HMCN1: variants seen among roughly 807,000 people sequenced by gnomAD.
HMCN1 encodes the protein hemicentin-1.
In HMCN1, 321 loss-of-function variants were observed where a neutral mutation model predicts 625.9. The ratio of observed to expected loss-of-function variants is 0.51; its 90% CI spans 0.47 to 0.56. HMCN1 has a LOEUF of 0.56. Among genes scored for constraint, HMCN1 ranks in the 20% least tolerant of loss-of-function variants. The pLI is 0.00. For missense variants in HMCN1, 6,588 were observed against 6,887.3 expected, an observed-to-expected ratio of 0.96 and a Z score of 1.54; for synonymous variants, 2,425 against 2,417.6, an observed-to-expected ratio of 1.00 and a Z score of -0.09.
At chr1:186,126,876 G>A (rs149405831) in intron 82 of HMCN1, among the ~76,000 whole-genome samples, 6 of 152,202 alleles carry the variant, frequency 3.9e-5, no homozygotes, top group African/African-American at 4.8e-5. Flanking sequence ...AAAGGGTTAC[G>A]TTGGCTGTTG....
chr1:185,917,845 G>A (rs143322973), intron 6 of HMCN1, among the ~76,000 whole-genome samples: 63 of 152,252 alleles, frequency 4.1e-4, no homozygotes, highest in African/African-American at 1.4e-3. Flanking sequence ...GTAATTTTCC[G>A]CTGGAGCTCT....
At chr1:185,918,224 G>A (rs556462820) in intron 6 of HMCN1, among the ~76,000 whole-genome samples, 1 of 152,148 alleles carries the variant, frequency 6.6e-6, no homozygotes, top group East Asian at 1.9e-4. Context: ...GTGAAGCCTT[G>A]AGTCTGTGGC....
At position 185,889,474 on chromosome 1, in the gene HMCN1, A is replaced by G. The variant is rs1014506467; in HGVS notation, c.622-19863A>G. Among the ~76,000 whole-genome samples, 46 of 144,212 alleles carry G rather than the reference A, an allele frequency of 3.2e-4. No individual in the cohort carries two copies. The East Asian group carries it at 8.3e-3, about 26-fold the overall frequency. 94.6% of individuals were successfully genotyped at this position (144,212 alleles called of 152,430 possible). On this transcript the variant is annotated intron_variant, in intron 4 of 106. Coordinates refer to ENST00000271588, the MANE Select transcript of HMCN1 (RefSeq NM_031935.3). Reference sequence around the variant, plus strand: ...TCATAGATAGCTCTTATTATTTTGAAATATGTCGCATCAATACCTAATTTA... The same window carrying G: ...TCATAGATAGCTCTTATTATTTTGAGATATGTCGCATCAATACCTAATTTA...
intron 1 of HMCN1, among the ~76,000 whole-genome samples, chr1:185,754,171 C>G (rs548095485): frequency 6.6e-6 from 1 of 152,148 alleles, no homozygotes; most frequent in South Asian, 2.1e-4. Context: ...CACAGAAAGA[C>G]AAATATGACA....
chr1:185,772,304 C>T (rs747463981), intron 1 of HMCN1, among the ~76,000 whole-genome samples: 22 of 152,006 alleles, frequency 1.4e-4, no homozygotes, highest in Non-Finnish European at 2.9e-4. Context: ...AGATAACTCT[C>T]AAAACTGGAG....
intron 36 of HMCN1, among the ~76,000 whole-genome samples, chr1:186,024,357 TAGACTTACACTTCCATCTAAGA>T (rs971809426): frequency 2.0e-5 from 3 of 152,188 alleles, no homozygotes; most frequent in Non-Finnish European, 4.4e-5. Flanking sequence ...AGCATCTGCT[TAGACTTACACTTCCATCTAAGA>T]GTATGCTGGG....
At chr1:186,180,078 T>G (rs1652847189) in intron 104 of HMCN1, among the ~76,000 whole-genome samples, 1 of 152,168 alleles carries the variant, frequency 6.6e-6, no homozygotes, top group African/African-American at 2.4e-5. Flanking sequence ...ATTAATGCAT[T>G]AACAATTCTC....
At chr1:186,129,899 A>C in intron 83 of HMCN1, 67 bp from the exon 84 acceptor site, 2 of 1,591,324 alleles carry the variant, frequency 1.3e-6, no homozygotes, top group African/African-American at 1.3e-5. Flanking sequence ...TGTGCAAAAT[A>C]CTGAGCTGTC....
chr1:185,995,811 A>G (rs1365599407), intron 24 of HMCN1, among the ~76,000 whole-genome samples: 1 of 152,184 alleles, frequency 6.6e-6, no homozygotes, highest in East Asian at 1.9e-4. Flanking sequence ...AGAACCGGCC[A>G]CATGAAAATC....
intron 1 of HMCN1, among the ~76,000 whole-genome samples, chr1:185,805,017 T>C (rs1659072980): frequency 6.6e-6 from 1 of 152,186 alleles, no homozygotes; most frequent in Non-Finnish European, 1.5e-5. Flanking sequence ...GAAGGAATTG[T>C]ACACCTGACA....
chr1:186,040,988 T>G, intron 39 of HMCN1, 25 bp from the exon 40 acceptor site: 1 of 1,611,504 alleles, frequency 6.2e-7, no homozygotes, highest in Non-Finnish European at 8.5e-7. Context: ...ACATATTGGT[T>G]ATTTAGCGTT....
intron 1 of HMCN1, among the ~76,000 whole-genome samples, chr1:185,789,874 T>C (rs773509273): frequency 7.9e-5 from 12 of 152,214 alleles, no homozygotes; most frequent in Non-Finnish European, 1.8e-4. Flanking sequence ...TTAACTCTAT[T>C]TTTTCCCCCT....
In HMCN1 at chr1:186,189,868, A is replaced by G; in HGVS notation, c.16898A>G (p.Tyr5633Cys). ...ATAGTTTATATAGCTGTGTCCGCCT[A>G]TCCATACTAAGGAACTCTCCAAAGC... ...TFIVYIAVSA[Y>C]PY Residue 5633 changes from tyrosine to cysteine, a missense_variant, in exon 107 of 107, where the codon TAT (tyrosine) becomes TGT (cysteine). Around this residue, in one of 3 missense-constraint regions of HMCN1, gnomAD observed 1,954 missense variants for 2,013.1 expected, o/e 0.97. Transcript: ENST00000271588. 6 of 1,613,640 alleles carry G rather than the reference A, an allele frequency of 3.7e-6. No individual in the cohort carries two copies. The highest frequency in any genetic ancestry group is 1.1e-5 in the South Asian group (1 of 91,068).
chr1:186,170,338 C>T (rs1652145636), intron 100 of HMCN1, among the ~76,000 whole-genome samples: 1 of 152,144 alleles, frequency 6.6e-6, no homozygotes, highest in South Asian at 2.1e-4. Flanking sequence ...GAATGTTTTA[C>T]ATTGTTGGTG....
intron 4 of HMCN1, among the ~76,000 whole-genome samples, chr1:185,883,488 T>G (rs1664436350): frequency 6.6e-6 from 1 of 152,042 alleles, no homozygotes; most frequent in Admixed American, 6.6e-5. Context: ...TTTAAAAAAT[T>G]TCATATAAAT....
At chr1:186,011,478 A>G (rs894399293) in intron 30 of HMCN1, among the ~76,000 whole-genome samples, 2 of 152,208 alleles carry the variant, frequency 1.3e-5, no homozygotes, top group Non-Finnish European at 2.9e-5. Flanking sequence ...CTTGGAAGGC[A>G]TTACAGAATG....
chr1:185,985,981 C>T (rs1040346007), intron 19 of HMCN1, among the ~76,000 whole-genome samples: 1 of 152,162 alleles, frequency 6.6e-6, no homozygotes, highest in African/African-American at 2.4e-5. Context: ...AAACTGTTGC[C>T]TAAATTTGCC....
intron 100 of HMCN1, among the ~76,000 whole-genome samples, chr1:186,170,324 G>A (rs962557336): frequency 1.3e-5 from 2 of 152,128 alleles, no homozygotes; most frequent in African/African-American, 4.8e-5. Context: ...GTATTTGGCA[G>A]GTGGAATGTT....
intron 1 of HMCN1, among the ~76,000 whole-genome samples, chr1:185,807,353 C>A (rs73070592): frequency 1.5e-4 from 23 of 152,192 alleles, no homozygotes; most frequent in Non-Finnish European, 2.9e-4. Flanking sequence ...GTTATACAGC[C>A]TACATAGTTC....
Sources: gnomAD v4.1 joint callset for allele counts (sites outside exome capture counted in the v4.1 genomes callset) on GRCh38, gnomAD v4.1.1 for gene constraint, gnomAD v4.1.1 regional missense constraint, MANE v1.5 for transcripts, NCBI Gene and HGNC (gene_info 2026-07-23, HGNC 2026-07-21) for gene names.